Variants in AAK1 observed in about 807,000 individuals in gnomAD.
AAK1 encodes the protein AP2-associated protein kinase 1.
A neutral mutation model predicts 116.0 loss-of-function variants in AAK1; 37 were observed. The ratio of observed to expected loss-of-function variants is 0.32; its 90% CI spans 0.25 to 0.42. The LOEUF (loss-of-function observed/expected upper bound fraction) is 0.42. AAK1 is among the 10% of genes least tolerant of loss of function. The probability of loss-of-function intolerance (pLI) is 1.00; values close to 1 mark genes in which losing one functional copy is unlikely to be tolerated. For missense variants in AAK1, 919 were observed against 1,170.6 expected (o/e 0.79, Z 3.14); for synonymous variants, 458 against 439.9 (o/e 1.04, Z -0.51).
intron 17 of AAK1, 143 bp from the exon 18 acceptor site, chr2:69,482,955 T>G (rs560387674): frequency 1.6e-6 from 1 of 612,188 alleles, no homozygotes; most frequent in African/African-American, 1.9e-5. Flanking sequence ...GCTATTAATA[T>G]CTTGTTAACA....
rs539624490 is a variant in AAK1, at chr2:69,584,299, C to A, written c.164-27321G>T. ...ATTAGGTCATTACATAATACCTCTT[C>A]TCTAACTAGCTTCTCTCCACCTCAT... is the stretch of plus-strand genomic sequence containing the variant. On this transcript the variant is annotated intron_variant, in intron 2 of 21. Coordinates refer to ENST00000409085, the MANE Select transcript of AAK1 (RefSeq NM_014911.5). 2.0e-5 allele frequency among the ~76,000 whole-genome samples: 3 copies of A among 152,354 alleles called. No homozygotes were observed. The East Asian group carries it at 5.8e-4, about 29-fold the overall frequency.
chr2:69,498,849 T>A (rs937556309), intron 16 of AAK1, among the ~76,000 whole-genome samples: 1 of 152,182 alleles, frequency 6.6e-6, no homozygotes, highest in Non-Finnish European at 1.5e-5. Flanking sequence ...GGTGGTGGCA[T>A]GTGTGATGCT....
intron 2 of AAK1, among the ~76,000 whole-genome samples, chr2:69,600,531 AGATGTGACT>A (rs1673528178): frequency 6.6e-6 from 1 of 152,192 alleles, no homozygotes; most frequent in Non-Finnish European, 1.5e-5. Flanking sequence ...TGGAGCCTGA[AGATGTGACT>A]GAATTGTCGC....
Position 69,490,923 on chromosome 2 carries a change from C to CACACACA in AAK1, c.2365+5061_2365+5062insTGTGTGT, listed in dbSNP as rs1675495565. On this transcript the variant is annotated intron_variant, in intron 17 of 21. Transcript: ENST00000409085. ...CTAAAATATATCTATGTGTGTGTAC[C>CACACACA]CACACACACACACACACACACACTT... is the stretch of plus-strand genomic sequence containing the variant. Among the ~76,000 whole-genome samples the CACACACA allele has an allele frequency of 1.4e-4, 21 of 147,732 alleles. No homozygotes were observed. In the South Asian group the frequency reaches 3.7e-3, roughly 26 times the overall value.
intron 17 of AAK1, among the ~76,000 whole-genome samples, chr2:69,488,960 T>G (rs1462098499): frequency 6.6e-6 from 1 of 151,312 alleles, no homozygotes. Flanking sequence ...TACCTCAGCC[T>G]CCAAGTAACT....
intron 2 of AAK1, among the ~76,000 whole-genome samples, chr2:69,566,853 T>C (rs1445848670): frequency 2.0e-5 from 3 of 152,336 alleles, no homozygotes; most frequent in Non-Finnish European, 2.9e-5. Flanking sequence ...CAGCTAAGGC[T>C]AACCAAGAAA....
rs749057808 is a variant in AAK1, at chr2:69,505,591, C to A, written c.2247G>T (p.Thr749=). ...FQSTQGDAFA[T]TSFSAGTAEK... Reference sequence around the variant, plus strand: ...AACCAGTTCCAGCAGAAAATGAGGTCGTAGCAAAAGCATCACCTTGGGTTG... The same window carrying A: ...AACCAGTTCCAGCAGAAAATGAGGTAGTAGCAAAAGCATCACCTTGGGTTG... The change falls in exon 16 of 22, where the codon ACG becomes ACT. Residue 749 remains threonine (T), a synonymous_variant. Coordinates refer to ENST00000409085, the MANE Select transcript of AAK1 (RefSeq NM_014911.5). The A allele has an allele frequency of 1.2e-6, 2 of 1,613,474 alleles. No homozygotes were observed. The highest frequency in any genetic ancestry group is 1.7e-5 in the Admixed American group (1 of 59,960).
At chr2:69,544,188 A>G in intron 4 of AAK1, 1 of 424,866 alleles carries the variant, frequency 2.4e-6, no homozygotes, top group Non-Finnish European at 4.2e-6. Context: ...TCATTCTTAC[A>G]CATCTTCATT....
At chr2:69,549,006 C>T (rs1671058571) in intron 3 of AAK1, among the ~76,000 whole-genome samples, 2 of 152,198 alleles carry the variant, frequency 1.3e-5, no homozygotes, top group African/African-American at 4.8e-5. Context: ...CTGGAATCTT[C>T]CACCTCCTGA....
chr2:69,566,722 T>A (rs376864448), intron 2 of AAK1, among the ~76,000 whole-genome samples: 85 of 152,258 alleles, frequency 5.6e-4, no homozygotes, highest in African/African-American at 2.0e-3. Flanking sequence ...AAAATTAATT[T>A]TCCAGGAAAA....
intron 17 of AAK1, among the ~76,000 whole-genome samples, chr2:69,493,755 T>C (rs1000868397): frequency 6.6e-6 from 1 of 152,116 alleles, no homozygotes; most frequent in African/African-American, 2.4e-5. Context: ...GGGACCACAC[T>C]GGGCCTTTCT....
chr2:69,524,573 T>C (rs35703707), intron 10 of AAK1, among the ~76,000 whole-genome samples: 1 of 150,774 alleles, frequency 6.6e-6, no homozygotes, highest in Non-Finnish European at 1.5e-5. Flanking sequence ...CAGCTGGGAC[T>C]ACAGGTGTGT....
At chr2:69,526,631 T>C (rs1670036170) in intron 9 of AAK1, among the ~76,000 whole-genome samples, 1 of 152,126 alleles carries the variant, frequency 6.6e-6, no homozygotes, top group African/African-American at 2.4e-5. Context: ...TTGAAATCTG[T>C]AAAAAGGACA....
chr2:69,466,730 C>A lies in AAK1; in HGVS notation c.*9139G>T. On this transcript the variant is annotated 3_prime_UTR_variant, in exon 22 of 22. Coordinates refer to ENST00000409085, the MANE Select transcript of AAK1 (RefSeq NM_014911.5). ...AACTGCACACAAACTGGAACACAATCAACCACTGTCTCACGTTTTGGAACA... is the reference window on the plus strand; with the variant it reads ...AACTGCACACAAACTGGAACACAATAAACCACTGTCTCACGTTTTGGAACA... 6 of 985,412 alleles carry A rather than the reference C, an allele frequency of 6.1e-6. No homozygotes were observed. The highest frequency in any genetic ancestry group is 7.2e-6 in the Non-Finnish European group (6 of 829,922). The allele number at this position is 985,412 out of a possible 1,614,324, so 61.0% of individuals were successfully genotyped here.
chr2:69,524,202 A>G (rs575748583), intron 10 of AAK1, among the ~76,000 whole-genome samples: 1 of 152,220 alleles, frequency 6.6e-6, no homozygotes, highest in African/African-American at 2.4e-5. Context: ...TAGGGTGGTG[A>G]ATGCAGCTAA....
At chr2:69,592,431 C>A (rs777337972) in intron 2 of AAK1, among the ~76,000 whole-genome samples, 15 of 152,146 alleles carry the variant, frequency 9.9e-5, no homozygotes, top group Middle Eastern at 3.2e-3. Flanking sequence ...GACAGCCCCC[C>A]ACAACAGCGG....
At position 69,482,815 on chromosome 2, in the gene AAK1, A is replaced by G. The variant is rs766940929; in HGVS notation, c.2366-3T>C. 3.8e-6 allele frequency: 6 copies of G among 1,598,082 alleles called. No homozygotes were observed. Among genetic ancestry groups the G allele is most frequent in the East Asian group, 4.5e-5 (2 of 44,800 alleles). The stretch of plus-strand genomic sequence containing the variant: ...TTTGAGTCCCTCAATTAGTTTTTCT[A>G]CGTTGGGCAGAGAGACAAAAAGAAA... On this transcript the variant is annotated splice_polypyrimidine_tract_variant and splice_region_variant and intron_variant, in intron 17 of 21. Transcript: ENST00000409085.
chr2:69,513,807 A>C lies in AAK1; in HGVS notation c.1776+664T>G, dbSNP rs1419770063. Among the ~76,000 whole-genome samples, 11 of 152,232 alleles carry C rather than the reference A, an allele frequency of 7.2e-5. 1 individual carries two copies. In the South Asian group the frequency reaches 2.3e-3, roughly 31 times the overall value. On this transcript the variant is annotated intron_variant, in intron 13 of 21. Coordinates refer to ENST00000409085, the MANE Select transcript of AAK1 (RefSeq NM_014911.5). ...AAAAAAATCCACTTATCACAGGCCA[A>C]AGCATGATGTGCCCGTGTGTGTTGA...
chr2:69,495,124 C>G (rs1390064723), intron 17 of AAK1, among the ~76,000 whole-genome samples: 1 of 152,186 alleles, frequency 6.6e-6, no homozygotes, highest in Non-Finnish European at 1.5e-5. Context: ...CAACTGTCAA[C>G]TGCTTCTAAG....
Sources: gnomAD v4.1 joint callset for allele counts (sites outside exome capture counted in the v4.1 genomes callset) on GRCh38, gnomAD v4.1.1 for gene constraint, MANE v1.5 for transcripts, NCBI Gene and HGNC (gene_info 2026-07-23, HGNC 2026-07-21) for gene names.